GPRIN3: variants seen among roughly 807,000 people sequenced by gnomAD.
GPRIN3 encodes GPRIN family member 3.
In GPRIN3, 12 loss-of-function variants were observed where a neutral mutation model predicts 13.7. The observed-to-expected ratio is 0.87, with a 90% confidence interval of 0.56 to 1.42. The LOEUF is 1.42. GPRIN3 is among the 40% of genes most tolerant of loss of function. The probability of loss-of-function intolerance (pLI) is 0.00; values close to 1 mark genes in which losing one functional copy is unlikely to be tolerated. For synonymous variants in GPRIN3, 377 were observed against 372.7 expected (o/e 1.01, Z -0.13); for missense variants, 1,009 against 958.7 (o/e 1.05, Z -0.69).
intron 1 of GPRIN3, among the ~76,000 whole-genome samples, chr4:89,262,216 T>C (rs1050398769): frequency 3.4e-4 from 50 of 148,822 alleles, no homozygotes; most frequent in Non-Finnish European, 6.1e-4. Flanking sequence ...AAAAATCCAA[T>C]AATAATAATA....
At chr4:89,296,993 A>G (rs1724756018) in intron 1 of GPRIN3, among the ~76,000 whole-genome samples, 1 of 152,196 alleles carries the variant, frequency 6.6e-6, no homozygotes, top group South Asian at 2.1e-4. Context: ...ATTTTGACCC[A>G]CTGTGATTTG....
intron 1 of GPRIN3, among the ~76,000 whole-genome samples, chr4:89,285,138 G>C (rs928242447): frequency 7.1e-6 from 1 of 140,184 alleles, no homozygotes; most frequent in African/African-American, 2.6e-5. Flanking sequence ...CAAGCACCTA[G>C]CCACTCTCAC....
chr4:89,285,391 A>G (rs1724374941), intron 1 of GPRIN3, among the ~76,000 whole-genome samples: 1 of 152,092 alleles, frequency 6.6e-6, no homozygotes, highest in Admixed American at 6.5e-5. Context: ...AGCCTTTATG[A>G]GATTGATTTG....
Position 89,238,644 on chromosome 4 carries a change from C to T in GPRIN3, c.*9136G>A, listed in dbSNP as rs1722846033. 6.6e-6 allele frequency: 1 copy of T among 151,684 alleles called. No individual in the cohort carries two copies. Among genetic ancestry groups the T allele is most frequent in the African/African-American group, 2.4e-5 (1 of 41,276 alleles). The allele number at this position is 151,684 out of a possible 1,614,324, so 9.4% of individuals were successfully genotyped here. A position where few individuals can be genotyped will look rare whatever the true frequency, so the allele number is the denominator to read the frequency against. On this transcript the variant is annotated 3_prime_UTR_variant, in exon 2 of 2. Transcript: ENST00000609438. ...GCTCTACCAAGTACAGGAAAAACCT[C>T]GCGTTTGATGACCAGGAGGAATTGT...
In GPRIN3 at chr4:89,239,082, T is replaced by C. The variant is rs530324037; in HGVS notation, c.*8698A>G. The C allele has an allele frequency of 5.1e-4, 78 of 152,318 alleles. No homozygotes were observed. The highest frequency in any genetic ancestry group is 1.7e-3 in the African/African-American group (70 of 41,582). The allele number at this position is 152,318 out of a possible 1,614,324, so 9.4% of individuals were successfully genotyped here. A position where few individuals can be genotyped will look rare whatever the true frequency, so the allele number is the denominator to read the frequency against. Reference sequence around the variant, plus strand: ...TTTCTAGGAAATGAAGTTTTATTGGTCAATATCTGGAGGATGAGAACTTTC... The same window carrying C: ...TTTCTAGGAAATGAAGTTTTATTGGCCAATATCTGGAGGATGAGAACTTTC... On this transcript the variant is annotated 3_prime_UTR_variant, in exon 2 of 2. Coordinates refer to ENST00000609438, the MANE Select transcript of GPRIN3 (RefSeq NM_198281.3).
chr4:89,239,015 A>G lies in GPRIN3; in HGVS notation c.*8765T>C, dbSNP rs1722854473. ...AAGGTGTAAGTATACGTAATTCCAA[A>G]ATCTTACTTCATCTTTGTATAAATT... On this transcript the variant is annotated 3_prime_UTR_variant, in exon 2 of 2. Transcript: ENST00000609438. 6.6e-6 allele frequency: 1 copy of G among 152,188 alleles called. No homozygotes were observed. Among genetic ancestry groups the G allele is most frequent in the Non-Finnish European group, 1.5e-5 (1 of 68,024 alleles). 9.4% of individuals were successfully genotyped at this position (152,188 alleles called of 1,614,324 possible). A position where few individuals can be genotyped will look rare whatever the true frequency, so the allele number is the denominator to read the frequency against.
intron 1 of GPRIN3, among the ~76,000 whole-genome samples, chr4:89,270,578 T>TATATATATAG (rs1723913747): frequency 1.0e-5 from 1 of 99,548 alleles, no homozygotes; most frequent in African/African-American, 6.0e-5. Context: ...TATATATATA[T>TATATATATAG]ATATATATAT....
rs529082794 is a variant in GPRIN3, at chr4:89,296,129, T to C, written c.-124+11486A>G. On this transcript the variant is annotated intron_variant, in intron 1 of 1. Coordinates refer to ENST00000609438, the MANE Select transcript of GPRIN3 (RefSeq NM_198281.3). Reference sequence around the variant, plus strand: ...CTGCAGTCTGAAAAGCAGTGCTCTCTACTGTGTTACCTCCGGGAACAAAGA... The same window carrying C: ...CTGCAGTCTGAAAAGCAGTGCTCTCCACTGTGTTACCTCCGGGAACAAAGA... Among the ~76,000 whole-genome samples the C allele has an allele frequency of 1.6e-4, 24 of 152,316 alleles. No individual in the cohort carries two copies. In the South Asian group the frequency reaches 5.0e-3, roughly 32 times the overall value.
chr4:89,252,757 T>C (rs1475349726), intron 1 of GPRIN3, among the ~76,000 whole-genome samples: 1 of 152,194 alleles, frequency 6.6e-6, no homozygotes, highest in Admixed American at 6.5e-5. Context: ...TGGTCTTAAC[T>C]GCTTTCTGCT....
chr4:89,245,267 T>G lies in GPRIN3; in HGVS notation c.*2513A>C, dbSNP rs1241541256. On this transcript the variant is annotated 3_prime_UTR_variant, in exon 2 of 2. Coordinates refer to ENST00000609438, the MANE Select transcript of GPRIN3 (RefSeq NM_198281.3). ...TAATGAGCCACAAAACAAACAATATTTTTGTAATATTTTGTGACAATCTCT... is the reference window on the plus strand; with the variant it reads ...TAATGAGCCACAAAACAAACAATATGTTTGTAATATTTTGTGACAATCTCT... 1 of 152,206 alleles carries G rather than the reference T, an allele frequency of 6.6e-6. No individual in the cohort carries two copies. The highest frequency in any genetic ancestry group is 1.5e-5 in the Non-Finnish European group (1 of 68,040). 9.4% of individuals were successfully genotyped at this position (152,206 alleles called of 1,614,324 possible). A position where few individuals can be genotyped will look rare whatever the true frequency, so the allele number is the denominator to read the frequency against.
At chr4:89,303,491 G>T (rs1368213884) in intron 1 of GPRIN3, among the ~76,000 whole-genome samples, 1 of 152,076 alleles carries the variant, frequency 6.6e-6, no homozygotes, top group East Asian at 1.9e-4. Context: ...ATGATGTTAT[G>T]GCCACTCTGG....
intron 1 of GPRIN3, among the ~76,000 whole-genome samples, chr4:89,275,621 C>T (rs1173029286): frequency 6.6e-6 from 1 of 152,216 alleles, no homozygotes; most frequent in Non-Finnish European, 1.5e-5. Flanking sequence ...ATTGCATACA[C>T]TCTTGGAGGA....
At position 89,280,309 on chromosome 4, in the gene GPRIN3, C is replaced by T. The variant is rs1244172221; in HGVS notation, c.-124+27306G>A. On this transcript the variant is annotated intron_variant, in intron 1 of 1. Transcript: ENST00000609438. The stretch of plus-strand genomic sequence containing the variant: ...GTACCTTCTTCAATTCTCTAAATTG[C>T]TGCCGGAGAAATTTTTCTAAAATGC... Among the ~76,000 whole-genome samples the T allele has an allele frequency of 5.9e-5, 9 of 152,220 alleles. No individual in the cohort carries two copies. In the East Asian group the frequency reaches 1.3e-3, roughly 23 times the overall value.
At chr4:89,296,763 T>A (rs1007713822) in intron 1 of GPRIN3, among the ~76,000 whole-genome samples, 1 of 152,248 alleles carries the variant, frequency 6.6e-6, no homozygotes, top group African/African-American at 2.4e-5. Flanking sequence ...GCTGAACATA[T>A]GTGTTACCTG....
chr4:89,268,675 C>A (rs1263097239), intron 1 of GPRIN3, among the ~76,000 whole-genome samples: 1 of 152,148 alleles, frequency 6.6e-6, no homozygotes, highest in African/African-American at 2.4e-5. Context: ...CTGAAGTATA[C>A]AAGTGTAGAA....
At position 89,244,062 on chromosome 4, in the gene GPRIN3, C is replaced by T. The variant is rs1305485718; in HGVS notation, c.*3718G>A. The T allele has an allele frequency of 6.6e-6, 1 of 152,188 alleles. No homozygotes were observed. The highest frequency in any genetic ancestry group is 1.5e-5 in the Non-Finnish European group (1 of 68,024). 9.4% of individuals were successfully genotyped at this position (152,188 alleles called of 1,614,324 possible). A position where few individuals can be genotyped will look rare whatever the true frequency, so the allele number is the denominator to read the frequency against. On this transcript the variant is annotated 3_prime_UTR_variant, in exon 2 of 2. Coordinates refer to ENST00000609438, the MANE Select transcript of GPRIN3 (RefSeq NM_198281.3). ...ACACATTTTAAAGTAACATCATACT[C>T]TGTTCTTGGTATGCTATATATAGGG...
chr4:89,264,730 G>C (rs1411987794), intron 1 of GPRIN3, among the ~76,000 whole-genome samples: 2 of 152,202 alleles, frequency 1.3e-5, no homozygotes, highest in African/African-American at 2.4e-5. Context: ...AGAGGTTCCT[G>C]CAGACTAAGC....
In GPRIN3 at chr4:89,249,152, G is replaced by A. The variant is rs373668813; in HGVS notation, c.959C>T (p.Ala320Val). Residue 320 changes from alanine to valine, a missense_variant, in exon 2 of 2, where the codon GCG becomes GTG. Transcript: ENST00000609438. ...GACACTCGCCACTGCCTGCACCTCC[G>A]CATCTTGCCAAGCCCTGCTGGGAAC... The part of the protein sequence containing the change: ...KEVPSRAWQD[A>V]EVQAVASVES... 10 of 1,614,048 alleles carry A rather than the reference G, an allele frequency of 6.2e-6. No individual in the cohort carries two copies. Among genetic ancestry groups the A allele is most frequent in the Middle Eastern group, 1.6e-4 (1 of 6,084 alleles).
chr4:89,257,890 T>C (rs942490295), intron 1 of GPRIN3, among the ~76,000 whole-genome samples: 6 of 152,102 alleles, frequency 3.9e-5, no homozygotes, highest in Admixed American at 3.9e-4. Context: ...TAATGATTAA[T>C]CCAGTTTGGA....
Sources: gnomAD v4.1 joint callset for allele counts (sites outside exome capture counted in the v4.1 genomes callset) on GRCh38, gnomAD v4.1.1 for gene constraint, MANE v1.5 for transcripts, NCBI Gene and HGNC (gene_info 2026-07-23, HGNC 2026-07-21) for gene names.